The following HYAL4 variants were observed in gnomAD, a reference collection of about 807,000 sequenced individuals.
HYAL4 encodes hyaluronidase-4.
Under a neutral mutation model 35.2 loss-of-function variants are expected in HYAL4, and 37 were observed. That is an observed-to-expected ratio of 1.05 (90% confidence interval 0.81 to 1.38). HYAL4 has a LOEUF of 1.38. Ranked by LOEUF, HYAL4 falls within the 40% of genes most tolerant of loss-of-function variation. The pLI is 0.00. For synonymous variants in HYAL4, 198 were observed against 203.2 expected, an observed-to-expected ratio of 0.97 and a Z score of 0.22; for missense variants, 572 against 572.4, an observed-to-expected ratio of 1.00 and a Z score of 0.01.
rs185883567 is a variant in HYAL4 at position 123,863,146 on chromosome 7, T to G, written c.-51-5077T>G. ...TTTGTTATCATAATTTGCAACATAC[T>G]GAATATTTATTTACTGTTCTTATTT... On this transcript the variant is annotated intron_variant, in intron 2 of 4. Coordinates refer to ENST00000223026, the MANE Select transcript of HYAL4 (RefSeq NM_012269.3). 4.1e-4 allele frequency among the ~76,000 whole-genome samples: 62 copies of G among 152,348 alleles called. 1 individual carries two copies. The highest frequency in any genetic ancestry group is 7.2e-4 in the Non-Finnish European group (49 of 68,032).
At chr7:123,782,716 A>G in the HYAL4 span, among the ~76,000 whole-genome samples, 3 of 152,256 alleles carry the variant, frequency 2.0e-5, no homozygotes, top group Non-Finnish European at 2.9e-5. Flanking sequence ...TCTTGATTCA[A>G]TAAGCTTGGG....
chr7:123,792,511 A>G, the HYAL4 span, among the ~76,000 whole-genome samples: 1 of 152,198 alleles, frequency 6.6e-6, no homozygotes, highest in African/African-American at 2.4e-5. Context: ...AGGGCATACA[A>G]ATAGTCACAT....
rs748536372 is a variant in HYAL4 at position 123,868,951 on chromosome 7, T to G, written c.678T>G (p.Tyr226Ter). ...GYYLYPDCHN[Y>*]NVYAPNYSGS... ...ATTTATATCCTGATTGCCACAATTA[T>G]AACGTTTATGCCCCAAACTACTCTG... The change falls in exon 3 of 5, where the codon TAT becomes TAG. Residue 226 changes from tyrosine to a stop codon, truncating the protein, a stop_gained. Transcript: ENST00000223026. LOFTEE classifies it high-confidence loss of function. 1 of 1,614,024 alleles carries G rather than the reference T, an allele frequency of 6.2e-7. No individual in the cohort carries two copies. Among genetic ancestry groups the G allele is most frequent in the South Asian group, 1.1e-5 (1 of 91,050 alleles).
chr7:123,772,856 A>G, the HYAL4 span, among the ~76,000 whole-genome samples: 1 of 152,236 alleles, frequency 6.6e-6, no homozygotes, highest in East Asian at 1.9e-4. Flanking sequence ...GCAGAGGGCC[A>G]TCCACCAAGT....
At chr7:123,862,436 C>G (rs1563001163) in intron 2 of HYAL4, among the ~76,000 whole-genome samples, 1 of 152,136 alleles carries the variant, frequency 6.6e-6, no homozygotes, top group Non-Finnish European at 1.5e-5. Context: ...GGAAAATCAA[C>G]TCGTTTCACT....
At position 123,868,447 on chromosome 7, in the gene HYAL4, G is replaced by T; in HGVS notation, c.174G>T (p.Gln58His). 6.2e-6 allele frequency: 10 copies of T among 1,607,794 alleles called. No homozygotes were observed. Among genetic ancestry groups the T allele is most frequent in the Non-Finnish European group, 8.5e-6 (10 of 1,178,632 alleles). Residue 58 changes from glutamine (Q) to histidine (H), a missense_variant, in exon 3 of 5, where the codon CAG becomes CAT. Gln to His is a conservative substitution (Grantham distance 24). Coordinates refer to ENST00000223026, the MANE Select transcript of HYAL4 (RefSeq NM_012269.3). ...CTGCTTGGAATGCTCCAACAGATCA[G>T]TGTTTGATAAAATATAATTTAAGAC... ...FIAAWNAPTD[Q>H]CLIKYNLRLN...
At chr7:123,792,122 C>T in the HYAL4 span, among the ~76,000 whole-genome samples, 1 of 151,616 alleles carries the variant, frequency 6.6e-6, no homozygotes, top group Non-Finnish European at 1.5e-5. Flanking sequence ...GCCCTGACCT[C>T]ATTGTTTCAC....
chr7:123,826,757 C>T (rs1044352582), upstream of HYAL4, among the ~76,000 whole-genome samples: 1 of 151,994 alleles, frequency 6.6e-6, no homozygotes, highest in African/African-American at 2.4e-5. Flanking sequence ...ATTGTGGAGA[C>T]TAGTTGGGAG....
At chr7:123,824,970 A>G (rs1298614445), upstream of HYAL4, among the ~76,000 whole-genome samples, 1 of 152,054 alleles carries the variant, frequency 6.6e-6, no homozygotes, top group Non-Finnish European at 1.5e-5. Context: ...AGTGCTCTCT[A>G]CTTCAAATTC....
chr7:123,807,523 C>A, the HYAL4 span, among the ~76,000 whole-genome samples: 1 of 149,982 alleles, frequency 6.7e-6, no homozygotes, highest in African/African-American at 2.5e-5. Context: ...TCACTGCAAC[C>A]TCTGCCTTTC....
the HYAL4 span, among the ~76,000 whole-genome samples, chr7:123,777,419 A>C: frequency 1.3e-5 from 2 of 152,202 alleles, no homozygotes; most frequent in Non-Finnish European, 2.9e-5. Context: ...ACTTCATTTT[A>C]ATGTGGCTAA....
At chr7:123,874,663 C>T (rs1806964758) in intron 3 of HYAL4, 98 bp from the exon 4 acceptor site, 1 of 694,122 alleles carries the variant, frequency 1.4e-6, no homozygotes, top group Non-Finnish European at 2.6e-6. Flanking sequence ...CCTGGGCCTC[C>T]CAAAGTGCTG....
At chr7:123,859,326 AT>A (rs1241364874) in intron 2 of HYAL4, among the ~76,000 whole-genome samples, 2 of 152,246 alleles carry the variant, frequency 1.3e-5, no homozygotes, top group African/African-American at 4.8e-5. Flanking sequence ...TGTAAAGTAT[AT>A]TTTTCCACTA....
chr7:123,791,903 C>T, the HYAL4 span, among the ~76,000 whole-genome samples: 4 of 152,308 alleles, frequency 2.6e-5, no homozygotes, highest in South Asian at 8.3e-4. Context: ...CTCCAGAATG[C>T]CAAGTCCAAG....
chr7:123,844,459 G>T (rs1172958159), upstream of HYAL4: 4 of 152,198 alleles, frequency 2.6e-5, no homozygotes, highest in African/African-American at 9.7e-5. Flanking sequence ...CTACTGGGAG[G>T]TGTCTCCCAG....
chr7:123,790,661 ATCT>A, the HYAL4 span: 1 of 148,344 alleles, frequency 6.7e-6, no homozygotes, highest in Non-Finnish European at 1.5e-5. Flanking sequence ...GGCCATGCTA[ATCT>A]TCTCTGTATC....
the HYAL4 span, among the ~76,000 whole-genome samples, chr7:123,801,103 G>T: frequency 6.6e-6 from 1 of 152,046 alleles, no homozygotes; most frequent in Non-Finnish European, 1.5e-5. Flanking sequence ...TTGCTTGAGC[G>T]CAGGAGTTCG....
the HYAL4 span, among the ~76,000 whole-genome samples, chr7:123,821,002 A>G: frequency 6.6e-6 from 1 of 152,196 alleles, no homozygotes; most frequent in Non-Finnish European, 1.5e-5. Context: ...AAGGCTGACT[A>G]ATATTTCATT....
chr7:123,806,601 G>A, the HYAL4 span, among the ~76,000 whole-genome samples: 2 of 151,508 alleles, frequency 1.3e-5, no homozygotes, highest in Non-Finnish European at 2.9e-5. Flanking sequence ...GCGCCACCAC[G>A]CCCAAGTAAT....
Sources: gnomAD v4.1 joint callset for allele counts (sites outside exome capture counted in the v4.1 genomes callset) on GRCh38, gnomAD v4.1.1 for gene constraint, MANE v1.5 for transcripts, NCBI Gene and HGNC (gene_info 2026-07-23, HGNC 2026-07-21) for gene names.